RBFOX1: variants seen among roughly 807,000 people sequenced by gnomAD.
The protein encoded by RBFOX1 is RNA binding protein fox-1 homolog 1.
A neutral mutation model predicts 57.7 loss-of-function variants in RBFOX1; 8 were observed. The ratio of observed to expected loss-of-function variants is 0.14; its 90% CI spans 0.08 to 0.25. The LOEUF (loss-of-function observed/expected upper bound fraction) is 0.25. Among genes scored for constraint, RBFOX1 ranks in the 10% least tolerant of loss-of-function variants. The pLI is 1.00. For synonymous variants in RBFOX1, 326 were observed against 222.4 expected (o/e 1.47, Z -4.15); for missense variants, 611 against 548.5 (o/e 1.11, Z -1.14).
chr16:6,807,518 T>C (rs1230315194), intron 3 of RBFOX1, among the ~76,000 whole-genome samples: 1 of 152,050 alleles, frequency 6.6e-6, no homozygotes, highest in Admixed American at 6.6e-5. Context: ...TGTCCTATGA[T>C]ATTAAGATGC....
intron 3 of RBFOX1, among the ~76,000 whole-genome samples, chr16:6,655,156 C>A (rs2098638570): frequency 6.6e-6 from 1 of 151,476 alleles, no homozygotes; most frequent in Non-Finnish European, 1.5e-5. Context: ...GGTGGATCAT[C>A]TGAGGTCAGG....
intron 4 of RBFOX1, among the ~76,000 whole-genome samples, chr16:7,454,004 G>A (rs1482603046): frequency 6.6e-6 from 1 of 152,172 alleles, no homozygotes; most frequent in African/African-American, 2.4e-5. Flanking sequence ...AGGCCAAGAC[G>A]GGTGGATTGC....
intron 1 of RBFOX1, among the ~76,000 whole-genome samples, chr16:5,406,977 G>T (rs2066885390): frequency 6.6e-6 from 1 of 152,158 alleles, no homozygotes; most frequent in Admixed American, 6.5e-5. Flanking sequence ...TGATGTATTA[G>T]TCCACTTTCA....
intron 4 of RBFOX1, among the ~76,000 whole-genome samples, chr16:7,498,373 G>A (rs914824055): frequency 1.3e-5 from 2 of 151,986 alleles, no homozygotes; most frequent in Non-Finnish European, 2.9e-5. Flanking sequence ...TATGACACCT[G>A]AACCAATGAG....
At chr16:6,603,373 G>T (rs2097880644) in intron 2 of RBFOX1, among the ~76,000 whole-genome samples, 1 of 152,142 alleles carries the variant, frequency 6.6e-6, no homozygotes, top group Non-Finnish European at 1.5e-5. Context: ...GGATTTAAGG[G>T]AATCTGTTTC....
intron 1 of RBFOX1, among the ~76,000 whole-genome samples, chr16:6,176,313 A>ATTTTTTTTTT (rs34667158): frequency 2.1e-5 from 2 of 95,256 alleles, no homozygotes; most frequent in African/African-American, 9.3e-5. Context: ...GCCTGACCAA[A>ATTTTTTTTTT]TTTTTTTTTT....
intron 4 of RBFOX1, among the ~76,000 whole-genome samples, chr16:7,204,595 A>G (rs769155919): frequency 2.6e-5 from 4 of 152,186 alleles, no homozygotes; most frequent in Admixed American, 2.0e-4. Flanking sequence ...GTAGTGAGCT[A>G]TGATCGTGCC....
At chr16:5,559,456 C>T (rs1245145485) in intron 2 of RBFOX1, among the ~76,000 whole-genome samples, 1 of 152,228 alleles carries the variant, frequency 6.6e-6, no homozygotes, top group Middle Eastern at 3.4e-3. Context: ...ACTGTCAAAA[C>T]AAGCCGAACA....
At chr16:6,823,323 C>T (rs865828890) in intron 3 of RBFOX1, among the ~76,000 whole-genome samples, 1 of 151,560 alleles carries the variant, frequency 6.6e-6, no homozygotes, top group Non-Finnish European at 1.5e-5. Context: ...ATGGCATGAT[C>T]TTGACTCACT....
intron 4 of RBFOX1, among the ~76,000 whole-genome samples, chr16:7,312,400 A>G (rs903672165): frequency 2.8e-4 from 42 of 152,204 alleles, no homozygotes; most frequent in African/African-American, 9.2e-4. Context: ...AACAACAACA[A>G]TGAAACAAAG....
At chr16:7,541,957 C>T (rs181286091) in intron 5 of RBFOX1, among the ~76,000 whole-genome samples, 247 of 152,324 alleles carry the variant, frequency 1.6e-3, no homozygotes, top group African/African-American at 5.4e-3. Context: ...TTCTAAGGTG[C>T]AGTGCTTCAG....
intron 4 of RBFOX1, among the ~76,000 whole-genome samples, chr16:7,165,426 ATTATTATTATT>A (rs2079260227): frequency 6.7e-6 from 1 of 148,492 alleles, no homozygotes; most frequent in Non-Finnish European, 1.5e-5. Flanking sequence ...AATCATTATT[ATTATTATTATT>A]TTACCATTTG....
intron 2 of RBFOX1, among the ~76,000 whole-genome samples, chr16:5,581,809 A>G (rs905197576): frequency 6.6e-6 from 1 of 152,164 alleles, no homozygotes; most frequent in Non-Finnish European, 1.5e-5. Context: ...GGCAGACCAT[A>G]TGCAAGGTGG....
chr16:5,817,364 A>C (rs1354535667), intron 3 of RBFOX1, among the ~76,000 whole-genome samples: 1 of 151,970 alleles, frequency 6.6e-6, no homozygotes, highest in Non-Finnish European at 1.5e-5. Context: ...GGATAACGGA[A>C]CTCTCACTGA....
At chr16:6,453,081 G>A (rs2094673988) in intron 2 of RBFOX1, among the ~76,000 whole-genome samples, 1 of 152,002 alleles carries the variant, frequency 6.6e-6, no homozygotes, top group South Asian at 2.1e-4. Context: ...TCTAAAGTGG[G>A]GCACAAAATA....
At chr16:5,972,053 G>C (rs2059971972) in intron 4 of RBFOX1, among the ~76,000 whole-genome samples, 1 of 152,152 alleles carries the variant, frequency 6.6e-6, no homozygotes, top group Non-Finnish European at 1.5e-5. Flanking sequence ...GGCTCTTTCT[G>C]GGTCTGCAGC....
intron 2 of RBFOX1, among the ~76,000 whole-genome samples, chr16:6,626,047 T>A (rs994019902): frequency 6.6e-6 from 1 of 152,080 alleles, no homozygotes; most frequent in Non-Finnish European, 1.5e-5. Flanking sequence ...CTAATTTAGT[T>A]GCCGATTATA....
At chr16:6,917,575 A>T (rs554000722) in intron 3 of RBFOX1, among the ~76,000 whole-genome samples, 1 of 152,266 alleles carries the variant, frequency 6.6e-6, no homozygotes, top group African/African-American at 2.4e-5. Flanking sequence ...CCTTCTTCTG[A>T]AATAAAAGTT....
chr16:7,367,048 A>T lies in RBFOX1; in HGVS notation c.28-151099A>T, dbSNP rs555356148. 6.0e-5 allele frequency among the ~76,000 whole-genome samples: 9 copies of T among 151,086 alleles called. No individual in the cohort carries two copies. The East Asian group carries it at 1.4e-3, about 23-fold the overall frequency. The stretch of plus-strand genomic sequence containing the variant: ...TTTTCTGGCTTGATTCCCTCCCCCA[A>T]ACCCCCCAGTTTTTTTTTTCTTTTT... On this transcript the variant is annotated intron_variant, in intron 4 of 15. Coordinates refer to ENST00000550418, the MANE Select transcript of RBFOX1 (RefSeq NM_018723.4).
Sources: allele counts gnomAD v4.1 joint callset (sites outside exome capture counted in the v4.1 genomes callset), GRCh38; gene constraint gnomAD v4.1.1; transcripts MANE v1.5; gene names NCBI Gene and HGNC (gene_info 2026-07-23, HGNC 2026-07-21).